TXNDC11: variants seen among roughly 807,000 people sequenced by gnomAD.
TXNDC11 encodes the protein thioredoxin domain-containing protein 11.
A neutral mutation model predicts 78.0 loss-of-function variants in TXNDC11; 68 were observed. The observed-to-expected ratio is 0.87, with a 90% CI of 0.72 to 1.07. The LOEUF (loss-of-function observed/expected upper bound fraction) is 1.07. Among genes scored for constraint, TXNDC11 ranks in the 50% least tolerant of loss-of-function variants. TXNDC11 has a pLI of 0.00. For synonymous variants in TXNDC11, 571 were observed against 495.2 expected (o/e 1.15, Z -2.03); for missense variants, 1,389 against 1,221.8 (o/e 1.14, Z -2.04).
chr16:11,717,190 C>T lies in TXNDC11; in HGVS notation c.793+4387G>A, dbSNP rs144417644. Among the ~76,000 whole-genome samples, 1,363 of 150,756 alleles carry T rather than the reference C, an allele frequency of 9.0e-3. 25 individuals carry two copies. Among genetic ancestry groups the T allele is most frequent in the African/African-American group, 0.03 (1,255 of 41,206 alleles). On this transcript the variant is annotated intron_variant, in intron 5 of 11. Coordinates refer to ENST00000283033, the MANE Select transcript of TXNDC11 (RefSeq NM_015914.7). Reference sequence around the variant, plus strand: ...CCTGTAATCCCAGCACTTTAGGAGGCCGAGGCAGGTGGATCACTTGAGGTC... The same window carrying T: ...CCTGTAATCCCAGCACTTTAGGAGGTCGAGGCAGGTGGATCACTTGAGGTC...
At chr16:11,707,351 GAA>G (rs879523182) in intron 5 of TXNDC11, among the ~76,000 whole-genome samples, 3 of 132,952 alleles carry the variant, frequency 2.3e-5, no homozygotes, top group Non-Finnish European at 1.6e-5. Context: ...TGTGGGAGGT[GAA>G]AAAAAAAAAA....
At chr16:11,689,736 C>T (rs191452081) in intron 8 of TXNDC11, among the ~76,000 whole-genome samples, 1 of 152,218 alleles carries the variant, frequency 6.6e-6, no homozygotes, top group East Asian at 1.9e-4. Context: ...CAGACTACCT[C>T]AAAAATACAT....
chr16:11,731,296 C>T (rs2052037165), intron 3 of TXNDC11, among the ~76,000 whole-genome samples: 1 of 152,188 alleles, frequency 6.6e-6, no homozygotes, highest in African/African-American at 2.4e-5. Flanking sequence ...CTATTTGAAG[C>T]TTTATTACAA....
At chr16:11,702,092 G>GTATA (rs35673646) in intron 5 of TXNDC11, among the ~76,000 whole-genome samples, 4,367 of 144,252 alleles carry the variant, frequency 0.03, 86 homozygotes, top group Non-Finnish European at 0.035. Flanking sequence ...GTATGTATGT[G>GTATA]TATATATATA....
Position 11,691,501 on chromosome 16 carries a change from G to T in TXNDC11, c.1689C>A (p.Asp563Glu). Residue 563 changes from aspartate (D) to glutamate (E), a missense_variant, in exon 8 of 12, where the codon GAC becomes GAA. By Grantham distance (45) the Asp-to-Glu change is conservative (BLOSUM62 2). Coordinates refer to ENST00000283033, the MANE Select transcript of TXNDC11 (RefSeq NM_015914.7). The part of the protein sequence containing the change: ...EENRYLFPEV[D>E]MTSTNFTGLS... ...GGCCTGTGAAGTTTGTGCTAGTCAT[G>T]TCCACTTCTGGAAAGAGATACCTGT... 2 of 1,614,174 alleles carry T rather than the reference G, an allele frequency of 1.2e-6. No homozygotes were observed. The highest frequency in any genetic ancestry group is 1.7e-6 in the Non-Finnish European group (2 of 1,179,992).
intron 6 of TXNDC11, among the ~76,000 whole-genome samples, chr16:11,700,160 G>C (rs1315720221): frequency 1.3e-5 from 2 of 152,202 alleles, no homozygotes; most frequent in Non-Finnish European, 2.9e-5. Flanking sequence ...TTCTTCAAGA[G>C]AGTAACTCTG....
intron 5 of TXNDC11, among the ~76,000 whole-genome samples, chr16:11,717,113 A>G (rs545162586): frequency 1.3e-5 from 2 of 151,738 alleles, no homozygotes; most frequent in South Asian, 4.1e-4. Flanking sequence ...TTCAGGAAAA[A>G]AAAAAAAAAA....
chr16:11,722,944 G>A (rs2051754879), intron 4 of TXNDC11, among the ~76,000 whole-genome samples: 1 of 152,104 alleles, frequency 6.6e-6, no homozygotes, highest in Non-Finnish European at 1.5e-5. Flanking sequence ...TGAATCAATT[G>A]GTTTTCATTC....
chr16:11,697,941 C>T (rs1303680299), intron 7 of TXNDC11, among the ~76,000 whole-genome samples, 184 bp downstream of exon 7: 9 of 152,226 alleles, frequency 5.9e-5, no homozygotes, highest in Non-Finnish European at 1.2e-4. Flanking sequence ...TGCGGCAGTC[C>T]CTGTCCTAGA....
chr16:11,722,617 T>G (rs1449563605), intron 4 of TXNDC11, among the ~76,000 whole-genome samples: 1 of 152,146 alleles, frequency 6.6e-6, no homozygotes, highest in African/African-American at 2.4e-5. Context: ...GAAACCTCAG[T>G]TGCCTGATGT....
chr16:11,742,763 G>T lies in TXNDC11; in HGVS notation c.-33C>A. On this transcript the variant is annotated 5_prime_UTR_variant, in exon 1 of 12. Coordinates refer to ENST00000283033, the MANE Select transcript of TXNDC11 (RefSeq NM_015914.7). Reference sequence around the variant, plus strand: ...TCCCAGTCGCCGGCTTTATACCGCCGCCGCCGCCTCGGGCCCGAAGGCCCG... The same window carrying T: ...TCCCAGTCGCCGGCTTTATACCGCCTCCGCCGCCTCGGGCCCGAAGGCCCG... 7.0e-7 allele frequency: 1 copy of T among 1,428,252 alleles called. No homozygotes were observed. The highest frequency in any genetic ancestry group is 1.5e-5 in the South Asian group (1 of 66,792). 88.5% of individuals were successfully genotyped at this position (1,428,252 alleles called of 1,614,324 possible). A position where few individuals can be genotyped will look rare whatever the true frequency, so the allele number is the denominator to read the frequency against.
intron 5 of TXNDC11, among the ~76,000 whole-genome samples, chr16:11,706,366 C>G (rs1270078395): frequency 1.3e-5 from 2 of 152,250 alleles, no homozygotes; most frequent in African/African-American, 4.8e-5. Flanking sequence ...CTGCTTGCTA[C>G]AGAGGGTGCT....
intron 8 of TXNDC11, among the ~76,000 whole-genome samples, chr16:11,688,771 T>C (rs910098532): frequency 6.6e-6 from 1 of 152,324 alleles, no homozygotes; most frequent in Non-Finnish European, 1.5e-5. Flanking sequence ...CAAGCCACCA[T>C]CTTTTCAAGA....
In TXNDC11 at chr16:11,687,909, T is replaced by A. The variant is rs369894205; in HGVS notation, c.2101A>T (p.Ile701Phe). The A allele has an allele frequency of 6.2e-7, 1 of 1,613,712 alleles. No individual in the cohort carries two copies. Among genetic ancestry groups the A allele is most frequent in the Non-Finnish European group, 8.5e-7 (1 of 1,179,890 alleles). Residue 701 changes from isoleucine to phenylalanine, a missense_variant, in exon 10 of 12, where the codon ATC becomes TTC. Transcript: ENST00000283033. ...AGGTTCCGAGCTAGCTGGATGAAGA[T>A]GTGATTGAGGGATGGACAGAAGCCG... is the stretch of plus-strand genomic sequence containing the variant. ...WCGFCPSLNH[I>F]FIQLARNLPM...
intron 1 of TXNDC11, among the ~76,000 whole-genome samples, chr16:11,737,002 C>T (rs1157362818): frequency 6.6e-6 from 1 of 151,906 alleles, no homozygotes; most frequent in African/African-American, 2.4e-5. Flanking sequence ...TAGTAAACAC[C>T]CTGAGCTGTC....
intron 4 of TXNDC11, among the ~76,000 whole-genome samples, chr16:11,723,581 T>G (rs1225059870): frequency 6.6e-6 from 1 of 151,680 alleles, no homozygotes; most frequent in African/African-American, 2.4e-5. Context: ...CAAGACTCCA[T>G]CTTAAAACAA....
At chr16:11,715,256 G>A (rs939882476) in intron 5 of TXNDC11, among the ~76,000 whole-genome samples, 2 of 152,176 alleles carry the variant, frequency 1.3e-5, no homozygotes, top group Admixed American at 6.5e-5. Flanking sequence ...AAATAGTTTA[G>A]TGTATTTCCA....
chr16:11,687,864 C>A lies in TXNDC11; in HGVS notation c.2146G>T (p.Val716Leu), dbSNP rs777496513. 7 of 1,611,604 alleles carry A rather than the reference C, an allele frequency of 4.3e-6. No individual in the cohort carries two copies. The highest frequency in any genetic ancestry group is 5.9e-6 in the Non-Finnish European group (7 of 1,178,046). The change falls in exon 10 of 12, where the codon GTG becomes TTG. Residue 716 changes from valine to leucine, a missense_variant. By Grantham distance (32) the Val-to-Leu change is conservative. Transcript: ENST00000283033. ...CAGAAGAGGCCTGCTTACCTTGCCACAGTGAATGTGTCCATGGGCAGGTTC... is the reference window on the plus strand; with the variant it reads ...CAGAAGAGGCCTGCTTACCTTGCCAAAGTGAATGTGTCCATGGGCAGGTTC... ...ARNLPMDTFTVARIDVSQNDL... is the reference protein window; with the variant it reads ...ARNLPMDTFTLARIDVSQNDL...
intron 11 of TXNDC11, among the ~76,000 whole-genome samples, chr16:11,683,197 G>A (rs1035918577): frequency 7.9e-5 from 12 of 152,164 alleles, no homozygotes; most frequent in South Asian, 2.1e-4. Context: ...CTGCATCTAC[G>A]TTTACTAACT....
Sources: allele counts gnomAD v4.1 joint callset (sites outside exome capture counted in the v4.1 genomes callset), GRCh38; gene constraint gnomAD v4.1.1; transcripts MANE v1.5; gene names NCBI Gene and HGNC (gene_info 2026-07-23, HGNC 2026-07-21).